The following SLC25A48 variants were observed in gnomAD, a reference collection of about 807,000 sequenced individuals.
SLC25A48 encodes solute carrier family 25 member 48.
In SLC25A48, 29 loss-of-function variants were observed where a neutral mutation model predicts 32.2. That is an observed-to-expected ratio of 0.90 (90% CI 0.67 to 1.23). The LOEUF (loss-of-function observed/expected upper bound fraction) is 1.23, where lower values mean the gene tolerates loss of function less well. SLC25A48 is among the 50% of genes most tolerant of loss of function. The pLI is 0.00. For missense variants in SLC25A48, 399 were observed against 422.7 expected (o/e 0.94, Z 0.49); for synonymous variants, 164 against 172.3 (o/e 0.95, Z 0.38).
intron 3 of SLC25A48, among the ~76,000 whole-genome samples, chr5:135,700,240 CGT>C: frequency 6.6e-6 from 1 of 151,678 alleles, no homozygotes; most frequent in Non-Finnish European, 1.5e-5. Context: ...GGTCTGGTGG[CGT>C]GTGCCTGTAA....
chr5:135,628,771 C>T (rs1752495087), intron 1 of SLC25A48, among the ~76,000 whole-genome samples: 1 of 152,190 alleles, frequency 6.6e-6, no homozygotes, highest in Admixed American at 6.5e-5. Flanking sequence ...GCCTCTCTCC[C>T]TCTTTCATTC....
chr5:135,823,963 T>C (rs931033472), intron 4 of SLC25A48, among the ~76,000 whole-genome samples: 2 of 152,098 alleles, frequency 1.3e-5, no homozygotes, highest in African/African-American at 4.8e-5. Flanking sequence ...AGCAGACTAG[T>C]TGAAAAAGTG....
At chr5:135,603,302 G>A (rs1420315632) in intron 1 of SLC25A48, among the ~76,000 whole-genome samples, 5 of 152,242 alleles carry the variant, frequency 3.3e-5, no homozygotes, top group African/African-American at 1.2e-4. Flanking sequence ...CCCTGCACCT[G>A]CACCCTGCAG....
At chr5:135,764,148 G>C (rs149845477) in intron 3 of SLC25A48, among the ~76,000 whole-genome samples, 1 of 152,148 alleles carries the variant, frequency 6.6e-6, no homozygotes, top group African/African-American at 2.4e-5. Flanking sequence ...CAGGGAGGTA[G>C]AGGATGATAT....
Position 135,865,236 on chromosome 5 carries a change from A to G in SLC25A48, c.422-6225A>G, listed in dbSNP as rs77608865. 5.2e-3 allele frequency among the ~76,000 whole-genome samples: 791 copies of G among 152,288 alleles called. 2 individuals carry two copies. Among genetic ancestry groups the G allele is most frequent in the Middle Eastern group, 0.02 (6 of 294 alleles). ...GGAATGCAAATCCAGGGCTCTTTCT[A>G]TGAAAGCATCTGCCTATCTTGGGCC... On this transcript the variant is annotated intron_variant, in intron 4 of 7. Coordinates refer to ENST00000681962, the MANE Select transcript of SLC25A48 (RefSeq NM_001349336.2).
chr5:135,874,175 C>A (rs180842517), intron 6 of SLC25A48, 21 bp downstream of exon 6: 1 of 1,426,600 alleles, frequency 7.0e-7, no homozygotes, highest in Non-Finnish European at 9.1e-7. Flanking sequence ...AGCAGGCCTG[C>A]GGGGTCAGTG....
At chr5:135,608,138 CTTAG>C (rs1184579517) in intron 1 of SLC25A48, among the ~76,000 whole-genome samples, 1 of 152,170 alleles carries the variant, frequency 6.6e-6, no homozygotes, top group African/African-American at 2.4e-5. Context: ...CACTTGTTGC[CTTAG>C]TTAGAGTGAC....
At chr5:135,788,842 G>A (rs1204167240) in intron 3 of SLC25A48, among the ~76,000 whole-genome samples, 15 of 150,622 alleles carry the variant, frequency 1.0e-4, no homozygotes, top group African/African-American at 1.7e-4. Context: ...CATATGGTCC[G>A]TAATATCTAG....
At chr5:135,669,873 G>T (rs1417599687) in intron 3 of SLC25A48, among the ~76,000 whole-genome samples, 1 of 152,186 alleles carries the variant, frequency 6.6e-6, no homozygotes, top group Non-Finnish European at 1.5e-5. Context: ...TGCTGAGGAG[G>T]CAGCATGCTG....
chr5:135,620,131 A>G (rs6596251), intron 1 of SLC25A48, among the ~76,000 whole-genome samples: 63,875 of 152,004 alleles, frequency 0.42, 13,896 homozygotes, highest in African/African-American at 0.55. Flanking sequence ...ATATTGGCAT[A>G]GTTCTGACAG....
In SLC25A48 at chr5:135,834,704, G is replaced by T; in HGVS notation, c.-144G>T. 4.5e-6 allele frequency: 4 copies of T among 885,988 alleles called. 1 individual carries two copies. The South Asian group carries it at 5.7e-5, about 13-fold the overall frequency. The allele number at this position is 885,988 out of a possible 1,614,324, so 54.9% of individuals were successfully genotyped here. ...GCGGCAGCCCGCGCAGCCGGTGACT[G>T]GGGGACTGGGTTTGGAGTAGGACCT... is the stretch of plus-strand genomic sequence containing the variant. On this transcript the variant is annotated 5_prime_UTR_variant, in exon 1 of 8. Coordinates refer to ENST00000681962, the MANE Select transcript of SLC25A48 (RefSeq NM_001349336.2).
At chr5:135,777,461 C>A (rs79328403) in intron 3 of SLC25A48, among the ~76,000 whole-genome samples, 1 of 151,276 alleles carries the variant, frequency 6.6e-6, no homozygotes, top group African/African-American at 2.4e-5. Context: ...GTGTACATCC[C>A]CCCTGTGATA....
chr5:135,649,899 C>A (rs1281187561), intron 3 of SLC25A48: 2 of 168,318 alleles, frequency 1.2e-5, no homozygotes, highest in Non-Finnish European at 2.6e-5. Flanking sequence ...AGCACAGCAC[C>A]CATGCAGCAA....
chr5:135,652,515 C>T (rs1279077774), intron 3 of SLC25A48: 2 of 451,516 alleles, frequency 4.4e-6, no homozygotes, highest in East Asian at 7.0e-5. Context: ...ATTAACAGGT[C>T]TCACTATATA....
At chr5:135,610,178 C>T (rs1722251447) in intron 1 of SLC25A48, among the ~76,000 whole-genome samples, 1 of 152,106 alleles carries the variant, frequency 6.6e-6, no homozygotes, top group Admixed American at 6.5e-5. Flanking sequence ...CACGGTGACC[C>T]TAGGCATCCA....
chr5:135,585,608 A>G lies in SLC25A48; in HGVS notation c.-849+6011A>G, dbSNP rs949480425. 1.1e-4 allele frequency among the ~76,000 whole-genome samples: 17 copies of G among 152,340 alleles called. 1 individual carries two copies. Among genetic ancestry groups the G allele is most frequent in the Middle Eastern group, 3.4e-3 (1 of 294 alleles). On this transcript the variant is annotated intron_variant, in intron 1 of 10. Coordinates refer to the SLC25A48 transcript ENST00000646290. ...GGGCCGGGCACACAGTAGGTGCTCA[A>G]TGAAGAAATGATTGAATGCAGGATG...
chr5:135,754,068 G>A (rs139783858), intron 3 of SLC25A48, among the ~76,000 whole-genome samples: 5 of 151,460 alleles, frequency 3.3e-5, no homozygotes, highest in Non-Finnish European at 7.4e-5. Flanking sequence ...GGATATCACA[G>A]GGTGTACACC....
chr5:135,779,913 T>C (rs1460938598), intron 3 of SLC25A48, among the ~76,000 whole-genome samples: 1 of 115,974 alleles, frequency 8.6e-6, no homozygotes, highest in Non-Finnish European at 2.1e-5. Flanking sequence ...TACACACCCA[T>C]GAGATATTGA....
intron 4 of SLC25A48, among the ~76,000 whole-genome samples, chr5:135,868,035 A>G (rs2126793348): frequency 6.6e-6 from 1 of 152,366 alleles, no homozygotes; most frequent in South Asian, 2.1e-4. Flanking sequence ...TTCAAATATG[A>G]GAAGTCACTT....
Sources: gnomAD v4.1 joint callset for allele counts (sites outside exome capture counted in the v4.1 genomes callset) on GRCh38, gnomAD v4.1.1 for gene constraint, MANE v1.5 for transcripts, NCBI Gene and HGNC (gene_info 2026-07-23, HGNC 2026-07-21) for gene names.